Variants in ITPR2 observed in about 807,000 individuals in gnomAD.
The protein encoded by ITPR2 is inositol 1,4,5-trisphosphate-gated calcium channel ITPR2.
A neutral mutation model predicts 317.1 loss-of-function variants in ITPR2; 207 were observed. That is an observed-to-expected ratio of 0.65 (90% CI 0.58 to 0.73). The LOEUF (loss-of-function observed/expected upper bound fraction) is 0.73, where lower values mean the gene tolerates loss of function less well. Among genes scored for constraint, ITPR2 ranks in the 30% least tolerant of loss-of-function variants. The pLI is 0.00. For synonymous variants in ITPR2, 1,156 were observed against 1,149.1 expected (o/e 1.01, Z -0.12); for missense variants, 2,613 against 3,284.0 (o/e 0.80, Z 4.99).
At chr12:26,674,489 C>G (rs1055408722) in intron 13 of ITPR2, among the ~76,000 whole-genome samples, 1 of 152,068 alleles carries the variant, frequency 6.6e-6, no homozygotes, top group Non-Finnish European at 1.5e-5. Flanking sequence ...AACTGGCTAG[C>G]CATATGTAGA....
Position 26,436,259 on chromosome 12 carries a change from A to G in ITPR2, c.6731T>C (p.Val2244Ala), listed in dbSNP as rs1303482061. Residue 2244 changes from valine to alanine, a missense_variant, in exon 48 of 57, where the codon GTT (valine) becomes GCT (alanine). Coordinates refer to ENST00000381340, the MANE Select transcript of ITPR2 (RefSeq NM_002223.4). ...FNLAVFINLAVALFYPFGDDG... is the reference protein window; with the variant it reads ...FNLAVFINLAAALFYPFGDDG... ...ATCCCCAAATGGGTAGAAGAGAGCA[A>G]CAGCTAAATTGATGAACACAGCCAG... 2 of 1,612,684 alleles carry G rather than the reference A, an allele frequency of 1.2e-6. No individual in the cohort carries two copies. The highest frequency in any genetic ancestry group is 1.7e-6 in the Non-Finnish European group (2 of 1,179,458).
At chr12:26,602,029 T>C (rs905167586) in intron 28 of ITPR2, among the ~76,000 whole-genome samples, 2 of 152,162 alleles carry the variant, frequency 1.3e-5, no homozygotes, top group African/African-American at 4.8e-5. Flanking sequence ...CATGAAGAGA[T>C]TTAAATAAAC....
intron 37 of ITPR2, among the ~76,000 whole-genome samples, chr12:26,549,324 T>A (rs573053050): frequency 1.3e-5 from 2 of 152,198 alleles, no homozygotes; most frequent in African/African-American, 2.4e-5. Context: ...TTGATTCACA[T>A]GGAATATTTT....
chr12:26,615,427 A>C (rs1946354237), intron 26 of ITPR2, among the ~76,000 whole-genome samples: 2 of 152,196 alleles, frequency 1.3e-5, no homozygotes, highest in Admixed American at 6.5e-5. Context: ...GACAGACTTG[A>C]AGAGAGACTC....
intron 2 of ITPR2, among the ~76,000 whole-genome samples, chr12:26,730,432 G>A (rs775636912): frequency 1.7e-4 from 26 of 152,068 alleles, no homozygotes; most frequent in South Asian, 4.1e-4. Flanking sequence ...TTGACTCAGC[G>A]TCATTTTTTA....
chr12:26,682,683 A>C lies in ITPR2; in HGVS notation c.1149-10T>G. On this transcript the variant is annotated splice_polypyrimidine_tract_variant and intron_variant, in intron 11 of 56. Coordinates refer to ENST00000381340, the MANE Select transcript of ITPR2 (RefSeq NM_002223.4). ...CCGAACATATGAGTTCCTAAAAGCAAAACAATATAAAAAAACAAATTATAA... is the reference window on the plus strand; with the variant it reads ...CCGAACATATGAGTTCCTAAAAGCACAACAATATAAAAAAACAAATTATAA... 6.4e-7 allele frequency: 1 copy of C among 1,556,174 alleles called. No individual in the cohort carries two copies. Among genetic ancestry groups the C allele is most frequent in the Non-Finnish European group, 8.8e-7 (1 of 1,135,624 alleles).
At chr12:26,756,543 A>G (rs1254482639) in intron 2 of ITPR2, among the ~76,000 whole-genome samples, 1 of 152,164 alleles carries the variant, frequency 6.6e-6, no homozygotes, top group Non-Finnish European at 1.5e-5. Flanking sequence ...AAGCTTTCTG[A>G]ATGTTTTCTT....
At chr12:26,704,605 G>GATA (rs76272577) in intron 9 of ITPR2, among the ~76,000 whole-genome samples, 55,840 of 151,600 alleles carry the variant, frequency 0.37, 11,548 homozygotes, top group Non-Finnish European at 0.48. Flanking sequence ...TATTAATAAT[G>GATA]ATAATAATAA....
chr12:26,408,537 T>C (rs1407057241), intron 52 of ITPR2, among the ~76,000 whole-genome samples: 1 of 152,148 alleles, frequency 6.6e-6, no homozygotes, highest in Non-Finnish European at 1.5e-5. Flanking sequence ...TCTCACACTA[T>C]GAATGACCTG....
At chr12:26,603,762 T>TG (rs1375748953) in intron 26 of ITPR2, among the ~76,000 whole-genome samples, 1 of 152,152 alleles carries the variant, frequency 6.6e-6, no homozygotes, top group Non-Finnish European at 1.5e-5. Context: ...GGAAAAGCCT[T>TG]GCCAGGTGAA....
intron 2 of ITPR2, 71 bp downstream of exon 2, chr12:26,790,086 A>T: frequency 1.0e-6 from 1 of 969,484 alleles, no homozygotes; most frequent in Non-Finnish European, 1.7e-6. Context: ...TTTTAACATT[A>T]CTTACTTTGA....
At chr12:26,356,721 G>A (rs552263869) in intron 55 of ITPR2, among the ~76,000 whole-genome samples, 1 of 152,142 alleles carries the variant, frequency 6.6e-6, no homozygotes, top group Non-Finnish European at 1.5e-5. Flanking sequence ...CTCATTGATT[G>A]ATTGATTGTA....
chr12:26,667,294 A>G (rs1382283579), intron 13 of ITPR2, among the ~76,000 whole-genome samples: 2 of 152,346 alleles, frequency 1.3e-5, no homozygotes, highest in East Asian at 1.9e-4. Context: ...AAGAGAATGC[A>G]CTTCCTGCAG....
At chr12:26,599,444 T>C (rs1367517177) in intron 29 of ITPR2, 99 bp from the exon 30 acceptor site, 1 of 1,060,406 alleles carries the variant, frequency 9.4e-7, no homozygotes, top group Non-Finnish European at 1.4e-6. Flanking sequence ...GTTTTATATT[T>C]TATACGAAGC....
At chr12:26,585,438 G>A (rs1051300120) in intron 32 of ITPR2, among the ~76,000 whole-genome samples, 8 of 152,132 alleles carry the variant, frequency 5.3e-5, no homozygotes, top group African/African-American at 1.4e-4. Context: ...ACGGAGTCTC[G>A]CTCTGTCACC....
chr12:26,374,660 G>T (rs1437844592), intron 55 of ITPR2, among the ~76,000 whole-genome samples: 3 of 152,218 alleles, frequency 2.0e-5, no homozygotes, highest in African/African-American at 4.8e-5. Context: ...TAGGATAGAT[G>T]TGATTGTGTT....
chr12:26,563,847 A>T (rs757777728), intron 34 of ITPR2, among the ~76,000 whole-genome samples: 3 of 152,276 alleles, frequency 2.0e-5, no homozygotes, highest in South Asian at 2.1e-4. Context: ...GGCCTTTAAA[A>T]CTGCAGTGGA....
intron 11 of ITPR2, 94 bp downstream of exon 11, chr12:26,686,387 G>C (rs1322484615): frequency 7.9e-6 from 6 of 759,928 alleles, no homozygotes; most frequent in Middle Eastern, 8.1e-4. Context: ...TTGCTCCCTT[G>C]ATATCATAAA....
At chr12:26,671,375 A>C (rs1285186219) in intron 13 of ITPR2, among the ~76,000 whole-genome samples, 3 of 152,236 alleles carry the variant, frequency 2.0e-5, no homozygotes, top group African/African-American at 7.2e-5. Flanking sequence ...ACAAGCCAGA[A>C]GACAGTGGGG....
Sources: gnomAD v4.1 joint callset for allele counts (sites outside exome capture counted in the v4.1 genomes callset) on GRCh38, gnomAD v4.1.1 for gene constraint, MANE v1.5 for transcripts, NCBI Gene and HGNC (gene_info 2026-07-23, HGNC 2026-07-21) for gene names.